Variants in PKNOX2 observed in about 807,000 individuals in gnomAD.
PKNOX2 encodes homeobox protein PKNOX2.
A neutral mutation model predicts 53.1 loss-of-function variants in PKNOX2; 14 were observed. The observed-to-expected ratio is 0.26, with a 90% CI of 0.17 to 0.41. PKNOX2 has a LOEUF of 0.41. PKNOX2 is among the 10% of genes least tolerant of loss of function. The pLI is 1.00. For missense variants in PKNOX2, 496 were observed against 602.8 expected (o/e 0.82, Z 1.85); for synonymous variants, 257 against 242.8 (o/e 1.06, Z -0.54).
At chr11:125,191,750 G>A (rs754490959) in intron 1 of PKNOX2, among the ~76,000 whole-genome samples, 5 of 152,200 alleles carry the variant, frequency 3.3e-5, no homozygotes, top group Admixed American at 6.5e-5. Flanking sequence ...AGAGGTGGCC[G>A]GGACGTACTT....
intron 4 of PKNOX2, among the ~76,000 whole-genome samples, chr11:125,355,533 C>A (rs1239766782): frequency 6.6e-6 from 1 of 152,160 alleles, no homozygotes; most frequent in Non-Finnish European, 1.5e-5. Context: ...TGCCTAATGA[C>A]CACACTGTCT....
chr11:125,282,195 T>C (rs1946603753), intron 2 of PKNOX2, among the ~76,000 whole-genome samples: 1 of 152,236 alleles, frequency 6.6e-6, no homozygotes, highest in Non-Finnish European at 1.5e-5. Context: ...TGTTAGTGCA[T>C]AAGCTTTGGA....
rs1954785927 is a variant in PKNOX2 at position 125,165,369 on chromosome 11, G to A, written c.-201+593G>A. On this transcript the variant is annotated intron_variant, in intron 1 of 12. Transcript: ENST00000298282. This position sits in a 1 kb window ranked among gnomAD's most constrained non-coding sequence, Gnocchi z 4.5. Reference sequence around the variant, plus strand: ...GAAGGCTCCCGGCCGGGCGCTCCGCGGGGAGAGGCTGGGAACCGCGGGCAG... The same window carrying A: ...GAAGGCTCCCGGCCGGGCGCTCCGCAGGGAGAGGCTGGGAACCGCGGGCAG... Among the ~76,000 whole-genome samples, 1 of 152,094 alleles carries A rather than the reference G, an allele frequency of 6.6e-6. No homozygotes were observed. The highest frequency in any genetic ancestry group is 2.4e-5 in the African/African-American group (1 of 41,446).
chr11:125,265,873 C>T (rs1328742290), intron 2 of PKNOX2, among the ~76,000 whole-genome samples: 1 of 152,162 alleles, frequency 6.6e-6, no homozygotes, highest in Non-Finnish European at 1.5e-5. Context: ...ACCGTCTAAA[C>T]TCTCAGAGTA....
intron 2 of PKNOX2, among the ~76,000 whole-genome samples, chr11:125,265,019 T>A (rs1945201499): frequency 6.6e-6 from 1 of 152,084 alleles, no homozygotes; most frequent in South Asian, 2.1e-4. Flanking sequence ...CCGGGCATGG[T>A]GGCTCAAGCC....
rs1893185 is a variant in PKNOX2, at chr11:125,240,775, T to C, written c.-130+5660T>C. 0.27 allele frequency among the ~76,000 whole-genome samples: 40,343 copies of C among 152,054 alleles called. 5,653 individuals carry two copies. The highest frequency in any genetic ancestry group is 0.48 in the East Asian group (2,459 of 5,126). On this transcript the variant is annotated intron_variant, in intron 2 of 12. Transcript: ENST00000298282. The surrounding 1 kb of genome is among the most constrained non-coding windows in gnomAD (Gnocchi z 4.3). ...TTTCCAAGTGCTGCTCCCAGTATCC[T>C]TGGCTGTGGGGGGACTAGTGATGGT...
intron 2 of PKNOX2, among the ~76,000 whole-genome samples, chr11:125,263,755 G>A (rs1007193589): frequency 2.4e-4 from 36 of 152,204 alleles, no homozygotes; most frequent in African/African-American, 8.4e-4. Context: ...GGCTCTCCCT[G>A]GCCTCTCTCT....
intron 1 of PKNOX2, among the ~76,000 whole-genome samples, chr11:125,189,076 G>T (rs989792436): frequency 6.6e-6 from 1 of 151,782 alleles, no homozygotes; most frequent in Non-Finnish European, 1.5e-5. Context: ...CTGCGTTTTT[G>T]CTCTCTTCGT....
At chr11:125,378,062 G>A (rs1952948399) in intron 5 of PKNOX2, among the ~76,000 whole-genome samples, 1 of 152,246 alleles carries the variant, frequency 6.6e-6, no homozygotes, top group African/African-American at 2.4e-5. Flanking sequence ...AGATGCCCCA[G>A]GAAGGGGTTA....
chr11:125,282,979 C>A (rs1946665154), intron 2 of PKNOX2, among the ~76,000 whole-genome samples: 1 of 152,052 alleles, frequency 6.6e-6, no homozygotes, highest in African/African-American at 2.4e-5. Flanking sequence ...TGGCAAAACC[C>A]CATCTCTACT....
At chr11:125,343,057 G>T (rs984173877) in intron 3 of PKNOX2, among the ~76,000 whole-genome samples, 2 of 152,100 alleles carry the variant, frequency 1.3e-5, no homozygotes, top group African/African-American at 4.8e-5. Flanking sequence ...CAGGCTGGGG[G>T]AGGGAGTTGG....
In PKNOX2 at chr11:125,413,557, T is replaced by C. The variant is rs145072695; in HGVS notation, c.936+1692T>C. Among the ~76,000 whole-genome samples, 106 of 152,256 alleles carry C rather than the reference T, an allele frequency of 7.0e-4. 1 individual carries two copies. The highest frequency in any genetic ancestry group is 2.3e-3 in the African/African-American group (96 of 41,530). ...GTGGAGCTAAGTCTGGCTGCGCTCA[T>C]TGTGGTGGGTGACATACGATGCAGG... On this transcript the variant is annotated intron_variant, in intron 10 of 12. Transcript: ENST00000298282.
intron 2 of PKNOX2, among the ~76,000 whole-genome samples, chr11:125,302,947 C>T (rs533995673): frequency 1.3e-5 from 2 of 152,246 alleles, no homozygotes; most frequent in Non-Finnish European, 2.9e-5. Context: ...TGGACCATCT[C>T]ATGGCTAGTC....
At position 125,312,758 on chromosome 11, in the gene PKNOX2, A is replaced by G. The variant is rs561019316; in HGVS notation, c.-129-19061A>G. 2.0e-4 allele frequency among the ~76,000 whole-genome samples: 31 copies of G among 152,274 alleles called. 1 individual carries two copies. The South Asian group carries it at 6.4e-3, about 32-fold the overall frequency. On this transcript the variant is annotated intron_variant, in intron 2 of 12. Coordinates refer to ENST00000298282, the MANE Select transcript of PKNOX2 (RefSeq NM_001382323.2). ...TTCAGCGGGCTCAGCAGCACCATAC[A>G]GGTGTGCTCAGGTGATGGGAGCACA...
rs1956692248 is a variant in PKNOX2 at position 125,431,316 on chromosome 11, TGGA to T, written c.1352_1354del (p.Glu451del). 1.2e-6 allele frequency: 2 copies of T among 1,612,730 alleles called. No homozygotes were observed. Among genetic ancestry groups the T allele is most frequent in the Non-Finnish European group, 8.5e-7 (1 of 1,179,610 alleles). ...ATGGAAGAGGAGGAGGAGGAGGAGCTGGAGGAGGAGGTCGACGAGCTGCAGACG... is the reference window on the plus strand; with the variant it reads ...ATGGAAGAGGAGGAGGAGGAGGAGCTGGAGGAGGTCGACGAGCTGCAGACG... On this transcript the variant is annotated inframe_deletion, in exon 13 of 13. Coordinates refer to ENST00000298282, the MANE Select transcript of PKNOX2 (RefSeq NM_001382323.2).
At chr11:125,425,006 A>G (rs1956340246) in intron 10 of PKNOX2, among the ~76,000 whole-genome samples, 1 of 152,220 alleles carries the variant, frequency 6.6e-6, no homozygotes, top group Admixed American at 6.5e-5. Flanking sequence ...CAGTGCCCTG[A>G]GACACCTACT....
intron 1 of PKNOX2, among the ~76,000 whole-genome samples, chr11:125,233,038 G>A (rs564927916): frequency 6.6e-6 from 1 of 151,966 alleles, no homozygotes; most frequent in East Asian, 1.9e-4. Context: ...ATGAGATTGT[G>A]GGCATTTTTT....
chr11:125,193,396 ATCTT>A (rs1320112166), intron 1 of PKNOX2, among the ~76,000 whole-genome samples: 1 of 152,150 alleles, frequency 6.6e-6, no homozygotes, highest in Non-Finnish European at 1.5e-5. Flanking sequence ...GTTGCCCTGC[ATCTT>A]TCTGAGGCAA....
intron 1 of PKNOX2, among the ~76,000 whole-genome samples, chr11:125,217,450 A>G (rs1167809272): frequency 1.3e-5 from 2 of 152,160 alleles, no homozygotes; most frequent in East Asian, 1.9e-4. Flanking sequence ...GGACATTCAC[A>G]CTAGGCAGTT....
Sources: allele counts gnomAD v4.1 joint callset (sites outside exome capture counted in the v4.1 genomes callset), GRCh38; gene constraint gnomAD v4.1.1; non-coding constraint Gnocchi (gnomAD v3.1); transcripts MANE v1.5; gene names NCBI Gene and HGNC (gene_info 2026-07-23, HGNC 2026-07-21).